DSCAM: variants seen among roughly 807,000 people sequenced by gnomAD.
The protein encoded by DSCAM is cell adhesion molecule DSCAM.
Under a neutral mutation model 217.7 loss-of-function variants are expected in DSCAM, and 47 were observed. The observed-to-expected ratio is 0.22, with a 90% CI of 0.17 to 0.28. The LOEUF (loss-of-function observed/expected upper bound fraction) is 0.28. DSCAM is among the 10% of genes least tolerant of loss of function. The probability of loss-of-function intolerance (pLI) is 1.00; values close to 1 mark genes in which losing one functional copy is unlikely to be tolerated. For synonymous variants in DSCAM, 1,056 were observed against 1,015.3 expected (o/e 1.04, Z -0.76); for missense variants, 2,080 against 2,618.3 (o/e 0.79, Z 4.49).
chr21:40,399,742 G>T (rs1205031701), intron 3 of DSCAM, among the ~76,000 whole-genome samples: 1 of 152,034 alleles, frequency 6.6e-6, no homozygotes, highest in African/African-American at 2.4e-5. Context: ...TATTTAACAA[G>T]AATTTATATA....
intron 16 of DSCAM, among the ~76,000 whole-genome samples, chr21:40,155,645 A>G (rs2090467837): frequency 1.3e-5 from 2 of 152,076 alleles, no homozygotes; most frequent in Admixed American, 6.5e-5. Flanking sequence ...GTTTTGCGGG[A>G]TGGGAGAAGA....
chr21:40,354,129 G>A (rs562163129), intron 4 of DSCAM, among the ~76,000 whole-genome samples: 2 of 152,256 alleles, frequency 1.3e-5, no homozygotes, highest in African/African-American at 4.8e-5. Flanking sequence ...TAAGAAATAA[G>A]ACCTAGTGGT....
chr21:40,269,389 T>G (rs2073584645), intron 11 of DSCAM, among the ~76,000 whole-genome samples: 4 of 152,314 alleles, frequency 2.6e-5, no homozygotes, highest in African/African-American at 9.6e-5. Context: ...GCTGCTGCGT[T>G]TGATGGGTCC....
At chr21:40,565,389 C>T (rs931210094) in intron 3 of DSCAM, among the ~76,000 whole-genome samples, 1 of 152,186 alleles carries the variant, frequency 6.6e-6, no homozygotes, top group African/African-American at 2.4e-5. Flanking sequence ...TTTGAGCTGA[C>T]TCTAGCCTAT....
intron 11 of DSCAM, among the ~76,000 whole-genome samples, chr21:40,198,219 G>A (rs960736233): frequency 6.6e-6 from 1 of 152,184 alleles, no homozygotes; most frequent in Non-Finnish European, 1.5e-5. Context: ...CAAAAAGCAG[G>A]AAAAAGGTGC....
At chr21:40,281,431 T>C (rs1221247838) in intron 10 of DSCAM, among the ~76,000 whole-genome samples, 3 of 152,148 alleles carry the variant, frequency 2.0e-5, no homozygotes, top group East Asian at 1.9e-4. Flanking sequence ...GCAATGAATG[T>C]CTCCACTCAT....
At chr21:40,209,321 CAAG>C (rs1013492616) in intron 11 of DSCAM, among the ~76,000 whole-genome samples, 6 of 152,146 alleles carry the variant, frequency 3.9e-5, no homozygotes, top group Admixed American at 2.6e-4. Context: ...AGCAAAATGC[CAAG>C]AAGAAGACTG....
chr21:40,789,260 T>C (rs1325950672), intron 1 of DSCAM, among the ~76,000 whole-genome samples: 2 of 119,338 alleles, frequency 1.7e-5, no homozygotes, highest in African/African-American at 2.8e-5. Flanking sequence ...AAGAAGACAA[T>C]CAAGATTAAA....
At chr21:40,057,749 T>G (rs1032814336) in intron 28 of DSCAM, among the ~76,000 whole-genome samples, 3 of 152,058 alleles carry the variant, frequency 2.0e-5, no homozygotes, top group African/African-American at 7.2e-5. Context: ...TTCTTCCTCC[T>G]CAGAAGACTA....
chr21:40,072,265 G>A (rs1000737191), intron 27 of DSCAM, among the ~76,000 whole-genome samples: 4 of 152,118 alleles, frequency 2.6e-5, no homozygotes, highest in Non-Finnish European at 5.9e-5. Flanking sequence ...TTATTGCAGT[G>A]TGTCTACATT....
At chr21:40,082,020 A>G (rs1228137376) in intron 24 of DSCAM, among the ~76,000 whole-genome samples, 7 of 151,948 alleles carry the variant, frequency 4.6e-5, no homozygotes, top group African/African-American at 2.4e-5. Context: ...TTTTTTTCCT[A>G]TAAGAAGGTT....
chr21:40,795,441 C>T (rs552487286), intron 1 of DSCAM, among the ~76,000 whole-genome samples: 1 of 152,266 alleles, frequency 6.6e-6, no homozygotes, highest in Admixed American at 6.5e-5. Context: ...TATGCTCAAG[C>T]TCCCCAGACT....
chr21:40,612,269 C>T (rs2089325710), intron 3 of DSCAM, among the ~76,000 whole-genome samples: 2 of 152,136 alleles, frequency 1.3e-5, no homozygotes. Context: ...TACTGACTTG[C>T]TTGACCAAGA....
In DSCAM at chr21:40,055,828, C is replaced by G; in HGVS notation, c.4932G>C (p.Arg1644=). The change falls in exon 29 of 33, where the codon CGG becomes CGC. Residue 1644 remains arginine, a synonymous_variant. Coordinates refer to ENST00000400454, the MANE Select transcript of DSCAM (RefSeq NM_001389.5). ...LAEMLMSKNT[R]TSDTLSKQQQ... ...GTTGCTTGCTTAACGTATCTGAAGT[C>G]CGGGTATTCTTACTGGGAATAAAAT... 20 of 1,612,986 alleles carry G rather than the reference C, an allele frequency of 1.2e-5. No homozygotes were observed. Among genetic ancestry groups the G allele is most frequent in the Non-Finnish European group, 1.7e-5 (20 of 1,179,022 alleles).
chr21:40,408,068 A>C (rs2075293698), intron 3 of DSCAM, among the ~76,000 whole-genome samples: 1 of 151,894 alleles, frequency 6.6e-6, no homozygotes, highest in Admixed American at 6.6e-5. Context: ...ACAACAGAAG[A>C]TATTACCCAT....
chr21:40,153,005 T>A (rs1319199042), intron 16 of DSCAM, among the ~76,000 whole-genome samples: 1 of 152,232 alleles, frequency 6.6e-6, no homozygotes, highest in Non-Finnish European at 1.5e-5. Context: ...GCTGAATAAT[T>A]TAGTTGGGAA....
At chr21:40,659,926 T>C (rs1031362434) in intron 3 of DSCAM, among the ~76,000 whole-genome samples, 1 of 152,228 alleles carries the variant, frequency 6.6e-6, no homozygotes, top group Admixed American at 6.5e-5. Context: ...TTCAAGAAAT[T>C]GAATGTGAAT....
rs138024592 is a variant in DSCAM at position 40,567,520 on chromosome 21, G to C, written c.508+125290C>G. ...GCCGTTTTTTATTAGTTATCCACTAGTAAATGCACTAAACCAAAGAAGCCC... is the reference window on the plus strand; with the variant it reads ...GCCGTTTTTTATTAGTTATCCACTACTAAATGCACTAAACCAAAGAAGCCC... On this transcript the variant is annotated intron_variant, in intron 3 of 32. Transcript: ENST00000400454. Among the ~76,000 whole-genome samples the C allele has an allele frequency of 8.5e-5, 13 of 152,346 alleles. 1 individual carries two copies. In the East Asian group the frequency reaches 2.5e-3, roughly 29 times the overall value.
intron 3 of DSCAM, among the ~76,000 whole-genome samples, chr21:40,474,929 C>CAG (rs2075921235): frequency 6.6e-6 from 1 of 151,964 alleles, no homozygotes; most frequent in South Asian, 2.1e-4. Flanking sequence ...GCACCTAGGC[C>CAG]AGAGACCTTC....
Sources: allele counts gnomAD v4.1 joint callset (sites outside exome capture counted in the v4.1 genomes callset), GRCh38; gene constraint gnomAD v4.1.1; transcripts MANE v1.5; gene names NCBI Gene and HGNC (gene_info 2026-07-23, HGNC 2026-07-21).